Variants in TANK observed in about 807,000 individuals in gnomAD.
TANK encodes the protein TRAF family member associated NFKB activator.
In TANK, 15 loss-of-function variants were observed where a neutral mutation model predicts 43.6. The observed-to-expected ratio is 0.34, with a 90% CI of 0.23 to 0.53. The LOEUF is 0.53. TANK is among the 20% of genes least tolerant of loss of function. The pLI is 0.94. For synonymous variants in TANK, 162 were observed against 178.2 expected (o/e 0.91, Z 0.73); for missense variants, 417 against 498.6 (o/e 0.84, Z 1.56).
chr2:161,234,218 T>C (rs1319820656), intron 7 of TANK, among the ~76,000 whole-genome samples: 1 of 152,204 alleles, frequency 6.6e-6, no homozygotes, highest in Non-Finnish European at 1.5e-5. Context: ...TGTAAATGAT[T>C]GGTTAACCAG....
intron 1 of TANK, among the ~76,000 whole-genome samples, chr2:161,176,230 A>T (rs1685169071): frequency 6.6e-6 from 1 of 152,162 alleles, no homozygotes; most frequent in Non-Finnish European, 1.5e-5. Context: ...TAAATAAATA[A>T]ACAAGTGACT....
At chr2:161,167,540 A>C (rs1454595900) in intron 1 of TANK, among the ~76,000 whole-genome samples, 1 of 152,218 alleles carries the variant, frequency 6.6e-6, no homozygotes, top group East Asian at 1.9e-4. Context: ...GGTTGACGAC[A>C]GCTGCCTTGG....
chr2:161,163,385 C>G (rs2105254365), intron 1 of TANK: 1 of 152,250 alleles, frequency 6.6e-6, no homozygotes, highest in Admixed American at 6.5e-5. Context: ...AGAACAGCTG[C>G]TGTACTGATG....
chr2:161,142,994 T>C (rs1025404298), intron 1 of TANK, among the ~76,000 whole-genome samples: 2 of 152,214 alleles, frequency 1.3e-5, no homozygotes, highest in African/African-American at 2.4e-5. Flanking sequence ...TCCTCTCTTA[T>C]TTCCTTGAGC....
chr2:161,200,866 A>G (rs529577988), intron 2 of TANK, among the ~76,000 whole-genome samples: 33 of 152,050 alleles, frequency 2.2e-4, no homozygotes, highest in Non-Finnish European at 4.1e-4. Flanking sequence ...CCAGAGGCAG[A>G]GCAGCAGCAT....
At chr2:161,172,540 TGTC>T (rs1269046857) in intron 1 of TANK, among the ~76,000 whole-genome samples, 1 of 152,130 alleles carries the variant, frequency 6.6e-6, no homozygotes, top group Non-Finnish European at 1.5e-5. Flanking sequence ...TTTATTATGA[TGTC>T]TTTTCTAGCA....
intron 2 of TANK, among the ~76,000 whole-genome samples, chr2:161,183,599 A>T (rs1256088828): frequency 2.6e-5 from 4 of 152,156 alleles, no homozygotes; most frequent in Non-Finnish European, 5.9e-5. Context: ...GCCTTTGCTC[A>T]CATTAGCATA....
Position 161,225,552 on chromosome 2 carries a change from T to C in TANK, c.520+806T>C, listed in dbSNP as rs896652911. Among the ~76,000 whole-genome samples the C allele has an allele frequency of 2.0e-5, 3 of 152,212 alleles. No homozygotes were observed. In the South Asian group the frequency reaches 6.2e-4, roughly 32 times the overall value. On this transcript the variant is annotated intron_variant, in intron 6 of 7. Coordinates refer to ENST00000392749, the MANE Select transcript of TANK (RefSeq NM_001199135.3). ...TGGTGTTTGCTTCAGTAGTTCTATA[T>C]GAATAGCAAAATCTAAGGGATTAGG...
chr2:161,235,416 A>T lies in TANK; in HGVS notation c.1176A>T (p.Ile392=). The change falls in exon 8 of 8, where the codon ATA becomes ATT. Residue 392 remains isoleucine, a synonymous_variant. Coordinates refer to ENST00000392749, the MANE Select transcript of TANK (RefSeq NM_001199135.3). ...GTGGCACAGACTCAGAACTGCATAT[A>T]CCTCGAGTATGTGAATTCTGTCAAG... ...VLSGTDSELH[I]PRVCEFCQAV... is the part of the protein sequence containing the mutation. The T allele has an allele frequency of 6.2e-7, 1 of 1,613,874 alleles. No homozygotes were observed. Among genetic ancestry groups the T allele is most frequent in the Non-Finnish European group, 8.5e-7 (1 of 1,179,856 alleles).
At chr2:161,198,527 T>G (rs545681850) in intron 2 of TANK, among the ~76,000 whole-genome samples, 124 of 152,370 alleles carry the variant, frequency 8.1e-4, no homozygotes, top group African/African-American at 2.9e-3. Flanking sequence ...ATGGTGACTC[T>G]CTGCATTGGC....
chr2:161,186,202 A>C (rs1301198985), intron 2 of TANK, among the ~76,000 whole-genome samples: 1 of 152,220 alleles, frequency 6.6e-6, no homozygotes, highest in Admixed American at 6.5e-5. Context: ...AAAGTAAAAC[A>C]ACGAAAGTCC....
chr2:161,215,338 A>G (rs1420034638), intron 4 of TANK, among the ~76,000 whole-genome samples: 2 of 152,226 alleles, frequency 1.3e-5, no homozygotes, highest in African/African-American at 4.8e-5. Context: ...CTTTATTTGT[A>G]CATGGAGGTC....
chr2:161,199,946 T>A (rs1331612522), intron 2 of TANK, among the ~76,000 whole-genome samples: 1 of 152,242 alleles, frequency 6.6e-6, no homozygotes, highest in African/African-American at 2.4e-5. Context: ...AGTACCTGTT[T>A]ACCTCTTTAG....
upstream of TANK, among the ~76,000 whole-genome samples, chr2:161,157,712 C>T (rs563018015): frequency 7.4e-4 from 113 of 152,318 alleles, no homozygotes; most frequent in Middle Eastern, 3.4e-3. Context: ...GAGACAGAGT[C>T]TCTCTCTGTT....
intron 4 of TANK, chr2:161,211,634 G>A (rs1686892149): frequency 6.1e-6 from 2 of 328,590 alleles, no homozygotes; most frequent in Non-Finnish European, 8.7e-6. Context: ...TCTAAAAGAG[G>A]AACTTGAAAT....
intron 4 of TANK, among the ~76,000 whole-genome samples, chr2:161,215,305 T>C (rs565458816): frequency 6.6e-6 from 1 of 152,366 alleles, no homozygotes; most frequent in East Asian, 1.9e-4. Context: ...GTTCTAAGAA[T>C]ATTCCAGCAT....
intron 4 of TANK, among the ~76,000 whole-genome samples, chr2:161,209,227 G>A (rs1300644717): frequency 6.6e-6 from 1 of 152,146 alleles, no homozygotes; most frequent in Non-Finnish European, 1.5e-5. Context: ...CTAAGAAATT[G>A]TTGCATATTA....
intron 6 of TANK, among the ~76,000 whole-genome samples, chr2:161,229,659 T>C (rs920153041): frequency 1.3e-5 from 2 of 152,030 alleles, no homozygotes; most frequent in Admixed American, 1.3e-4. Context: ...GACAGAGAGG[T>C]GTCATGAGAC....
chr2:161,143,841 G>A (rs1683823610), intron 1 of TANK, among the ~76,000 whole-genome samples: 1 of 152,162 alleles, frequency 6.6e-6, no homozygotes, highest in Non-Finnish European at 1.5e-5. Context: ...AATGAGTTAG[G>A]GAGGAGTCCC....
Sources: gnomAD v4.1 joint callset for allele counts (sites outside exome capture counted in the v4.1 genomes callset) on GRCh38, gnomAD v4.1.1 for gene constraint, MANE v1.5 for transcripts, NCBI Gene and HGNC (gene_info 2026-07-23, HGNC 2026-07-21) for gene names.